Variants in CDC14A observed in about 807,000 individuals in gnomAD.
CDC14A encodes the protein cell division cycle 14A.
CDC14A carries 53 observed loss-of-function variants against 74.4 expected under a neutral mutation model. The observed-to-expected ratio is 0.71, with a 90% CI of 0.57 to 0.89. The LOEUF (loss-of-function observed/expected upper bound fraction) is 0.89. Among genes scored for constraint, CDC14A ranks in the 40% least tolerant of loss-of-function variants. The pLI is 0.00. For missense variants in CDC14A, 646 were observed against 713.7 expected, an observed-to-expected ratio of 0.91 and a Z score of 1.08; for synonymous variants, 247 against 258.4, an observed-to-expected ratio of 0.96 and a Z score of 0.43.
intron 4 of CDC14A, among the ~76,000 whole-genome samples, chr1:100,420,055 C>CATATATATAT (rs1158640575): frequency 9.5e-5 from 2 of 21,024 alleles, no homozygotes; most frequent in East Asian, 1.6e-3. Flanking sequence ...CACACACACA[C>CATATATATAT]ACACACACAT....
Position 100,505,006 on chromosome 1 carries a change from A to G in CDC14A, c.1755+5744A>G, listed in dbSNP as rs1372421351. On this transcript the variant is annotated intron_variant, in intron 15 of 15. Coordinates refer to ENST00000336454, the MANE Select transcript of CDC14A (RefSeq NM_003672.4). Reference sequence around the variant, plus strand: ...TATGCTATTATATACATGAACATCTATATTTGTTTACATATTGTCTGTGTA... The same window carrying G: ...TATGCTATTATATACATGAACATCTGTATTTGTTTACATATTGTCTGTGTA... 5.3e-6 allele frequency: 7 copies of G among 1,322,556 alleles called. No homozygotes were observed. In the Admixed American group the frequency reaches 7.7e-5, roughly 15 times the overall value. 81.9% of individuals were successfully genotyped at this position (1,322,556 alleles called of 1,614,324 possible). A position where few individuals can be genotyped will look rare whatever the true frequency, so the allele number is the denominator to read the frequency against.
chr1:100,412,738 T>TATATATATATATA (rs1491428571), intron 4 of CDC14A, among the ~76,000 whole-genome samples: 1 of 97,412 alleles, frequency 1.0e-5, no homozygotes, highest in Admixed American at 1.0e-4. Context: ...TATATATATA[T>TATATATATATATA]TTTATATATA....
chr1:100,417,577 C>G (rs1661697145), intron 4 of CDC14A, among the ~76,000 whole-genome samples: 1 of 152,146 alleles, frequency 6.6e-6, no homozygotes, highest in Non-Finnish European at 1.5e-5. Context: ...TAAATACTTT[C>G]TATAAGCAAA....
intron 6 of CDC14A, among the ~76,000 whole-genome samples, chr1:100,440,487 A>T (rs146425408): frequency 6.6e-6 from 1 of 152,306 alleles, no homozygotes; most frequent in African/African-American, 2.4e-5. Context: ...TTATTTAATT[A>T]TTTCTGTATA....
chr1:100,491,370 T>C (rs1670597056), intron 11 of CDC14A, among the ~76,000 whole-genome samples: 1 of 151,638 alleles, frequency 6.6e-6, no homozygotes, highest in Non-Finnish European at 1.5e-5. Flanking sequence ...GTGTTGCTTT[T>C]GATGGTAAAT....
At chr1:100,459,124 C>CAGAGAG (rs1212963314) in intron 8 of CDC14A, among the ~76,000 whole-genome samples, 8 of 146,848 alleles carry the variant, frequency 5.4e-5, no homozygotes, top group African/African-American at 2.0e-4. Flanking sequence ...CACACACACA[C>CAGAGAG]ACAGAGAGAG....
chr1:100,391,048 T>A lies in CDC14A; in HGVS notation c.309+224T>A, dbSNP rs542875703. On this transcript the variant is annotated intron_variant, in intron 4 of 15. Coordinates refer to ENST00000336454, the MANE Select transcript of CDC14A (RefSeq NM_003672.4). ...ATGAGAGAATCTTGAAACTGCAATA[T>A]GTAGCTTGAATTCCACAGTTATATA... 5.0e-4 allele frequency: 279 copies of A among 562,692 alleles called. 2 individuals carry two copies. The highest frequency in any genetic ancestry group is 3.0e-3 in the Admixed American group (113 of 37,544). The allele number at this position is 562,692 out of a possible 1,614,324, so 34.9% of individuals were successfully genotyped here. A position where few individuals can be genotyped will look rare whatever the true frequency, so the allele number is the denominator to read the frequency against.
chr1:100,358,118 G>A (rs1005064886), intron 2 of CDC14A, among the ~76,000 whole-genome samples: 2 of 152,140 alleles, frequency 1.3e-5, no homozygotes, highest in African/African-American at 4.8e-5. Context: ...TGATTTCACA[G>A]GTCAGAGTTA....
intron 13 of CDC14A, 125 bp from the exon 14 acceptor site, chr1:100,497,960 G>A (rs1343873187): frequency 1.0e-6 from 1 of 977,486 alleles, no homozygotes; most frequent in Non-Finnish European, 1.5e-6. Context: ...TGCCGCTGCT[G>A]TCATCACTAT....
chr1:100,462,508 T>C (rs1004201530), intron 8 of CDC14A, 143 bp from the exon 9 acceptor site: 6 of 649,150 alleles, frequency 9.2e-6, no homozygotes, highest in African/African-American at 1.8e-5. Context: ...TGTAGGAGCT[T>C]GCTGTGACCT....
At chr1:100,409,820 T>G (rs1430659516) in intron 4 of CDC14A, among the ~76,000 whole-genome samples, 1 of 152,216 alleles carries the variant, frequency 6.6e-6, no homozygotes, top group Admixed American at 6.5e-5. Flanking sequence ...GTGATAACTC[T>G]CCTAATAGTT....
At chr1:100,429,713 T>A (rs1663412800) in intron 5 of CDC14A, among the ~76,000 whole-genome samples, 2 of 143,616 alleles carry the variant, frequency 1.4e-5, no homozygotes, top group Middle Eastern at 3.6e-3. Flanking sequence ...TCAAGTATAT[T>A]TATATATATA....
intron 8 of CDC14A, among the ~76,000 whole-genome samples, chr1:100,461,679 T>C (rs1571251180): frequency 7.5e-6 from 1 of 133,292 alleles, no homozygotes; most frequent in East Asian, 1.9e-4. Flanking sequence ...CAGCTGACTG[T>C]GTAGCTCCCA....
intron 2 of CDC14A, among the ~76,000 whole-genome samples, chr1:100,361,244 A>G (rs1018357956): frequency 6.6e-6 from 1 of 152,250 alleles, no homozygotes; most frequent in African/African-American, 2.4e-5. Context: ...TATACAAGAA[A>G]CTTAGTATTT....
intron 2 of CDC14A, among the ~76,000 whole-genome samples, chr1:100,365,486 G>A (rs1466300801): frequency 6.6e-6 from 1 of 152,206 alleles, no homozygotes; most frequent in East Asian, 1.9e-4. Context: ...AAGAACTTTA[G>A]GAGCCATCTA....
chr1:100,363,784 A>G (rs1183902203), intron 2 of CDC14A, among the ~76,000 whole-genome samples: 4 of 152,204 alleles, frequency 2.6e-5, no homozygotes, highest in Non-Finnish European at 5.9e-5. Context: ...GGAAAATTAC[A>G]TTCTGAAATA....
chr1:100,432,969 T>G (rs1049020321), intron 5 of CDC14A, among the ~76,000 whole-genome samples: 1 of 152,134 alleles, frequency 6.6e-6, no homozygotes, highest in African/African-American at 2.4e-5. Flanking sequence ...CTCACTGCAG[T>G]CTTGAACTCC....
intron 2 of CDC14A, among the ~76,000 whole-genome samples, chr1:100,364,233 G>C (rs1653219950): frequency 6.6e-6 from 1 of 151,288 alleles, no homozygotes; most frequent in Non-Finnish European, 1.5e-5. Flanking sequence ...TTTTGAGATG[G>C]AGTCTCGCTC....
chr1:100,477,868 C>G (rs971812131), intron 10 of CDC14A, among the ~76,000 whole-genome samples: 1 of 152,132 alleles, frequency 6.6e-6, no homozygotes, highest in Non-Finnish European at 1.5e-5. Context: ...TTTAGAAAGG[C>G]TGGTTTGTCA....
Sources: gnomAD v4.1 joint callset for allele counts (sites outside exome capture counted in the v4.1 genomes callset) on GRCh38, gnomAD v4.1.1 for gene constraint, MANE v1.5 for transcripts, NCBI Gene and HGNC (gene_info 2026-07-23, HGNC 2026-07-21) for gene names.